PAIP2B: variants seen among roughly 807,000 people sequenced by gnomAD.
The protein encoded by PAIP2B is polyadenylate-binding protein-interacting protein 2B.
In PAIP2B, 13 loss-of-function variants were observed where a neutral mutation model predicts 17.0. The observed-to-expected ratio is 0.76, with a 90% CI of 0.50 to 1.22. The LOEUF is 1.22. Ranked by LOEUF, PAIP2B falls within the 50% of genes most tolerant of loss-of-function variation. The pLI, the probability that PAIP2B is intolerant of heterozygous loss-of-function variation, is 0.00. For missense variants in PAIP2B, 117 were observed against 144.5 expected, an observed-to-expected ratio of 0.81 and a Z score of 0.98; for synonymous variants, 43 against 48.7, an observed-to-expected ratio of 0.88 and a Z score of 0.48.
At position 71,186,087 on chromosome 2, in the gene PAIP2B, G is replaced by A. The variant is rs1374047867; in HGVS notation, c.*2392C>T. On this transcript the variant is annotated 3_prime_UTR_variant, in exon 4 of 4. Coordinates refer to ENST00000244221, the MANE Select transcript of PAIP2B (RefSeq NM_020459.1). Reference sequence around the variant, plus strand: ...ACAAGTCTTACCATTAAAGGGTAAAGGTGTCCAGTCTGGCTTGCTGGTTCT... The same window carrying A: ...ACAAGTCTTACCATTAAAGGGTAAAAGTGTCCAGTCTGGCTTGCTGGTTCT... The A allele has an allele frequency of 1.3e-5, 2 of 152,202 alleles. No homozygotes were observed. The highest frequency in any genetic ancestry group is 4.8e-5 in the African/African-American group (2 of 41,448). 9.4% of individuals were successfully genotyped at this position (152,202 alleles called of 1,614,324 possible). A position where few individuals can be genotyped will look rare whatever the true frequency, so the allele number is the denominator to read the frequency against.
At chr2:71,205,877 T>G (rs1217176086) in intron 1 of PAIP2B, among the ~76,000 whole-genome samples, 1 of 152,160 alleles carries the variant, frequency 6.6e-6, no homozygotes, top group African/African-American at 2.4e-5. Flanking sequence ...GTGAGTTACA[T>G]TACAGAGAGG....
At chr2:71,211,025 T>A (rs553089467) in intron 1 of PAIP2B, among the ~76,000 whole-genome samples, 1 of 152,256 alleles carries the variant, frequency 6.6e-6, no homozygotes, top group South Asian at 2.1e-4. Context: ...GGTGGGTGAA[T>A]CACCTGAGGT....
In PAIP2B at chr2:71,214,270, T is replaced by G. The variant is rs561275716; in HGVS notation, c.-11-11670A>C. Among the ~76,000 whole-genome samples, 4 of 152,306 alleles carry G rather than the reference T, an allele frequency of 2.6e-5. No homozygotes were observed. In the South Asian group the frequency reaches 8.3e-4, roughly 32 times the overall value. On this transcript the variant is annotated intron_variant, in intron 1 of 3. Coordinates refer to ENST00000244221, the MANE Select transcript of PAIP2B (RefSeq NM_020459.1). ...CTACCCCATACTCACACTTCCCACT[T>G]TAGGTCCAGAAAGGCTATAATAGAA...
Position 71,183,622 on chromosome 2 carries a change from C to T in PAIP2B, c.*4857G>A, listed in dbSNP as rs952378850. On this transcript the variant is annotated 3_prime_UTR_variant, in exon 4 of 4. Transcript: ENST00000244221. ...CAATAAAAGGAACAAACTACCAAGACGTTATCTGTCATGGACAAACCTCAA... is the reference window on the plus strand; with the variant it reads ...CAATAAAAGGAACAAACTACCAAGATGTTATCTGTCATGGACAAACCTCAA... 2.6e-5 allele frequency: 4 copies of T among 151,524 alleles called. No individual in the cohort carries two copies. The highest frequency in any genetic ancestry group is 4.9e-5 in the African/African-American group (2 of 41,182). 9.4% of individuals were successfully genotyped at this position (151,524 alleles called of 1,614,324 possible).
rs568552077 is a variant in PAIP2B, at chr2:71,219,082, ATTT to A, written c.-12+7843_-12+7845del. On this transcript the variant is annotated intron_variant, in intron 1 of 3. Transcript: ENST00000244221. ...AGGTGCCCGCCACCACGCCTAGCTA[ATTT>A]TTTTTTTTTTTTTTTTTTGTATTTT... 6.5e-4 allele frequency among the ~76,000 whole-genome samples: 74 copies of A among 113,964 alleles called. 1 individual carries two copies. Among genetic ancestry groups the A allele is most frequent in the South Asian group, 5.5e-3 (19 of 3,460 alleles). 74.8% of individuals were successfully genotyped at this position (113,964 alleles called of 152,430 possible). A position where few individuals can be genotyped will look rare whatever the true frequency, so the allele number is the denominator to read the frequency against.
intron 2 of PAIP2B, among the ~76,000 whole-genome samples, chr2:71,192,559 C>T (rs1214102914): frequency 1.3e-5 from 2 of 152,002 alleles, no homozygotes; most frequent in African/African-American, 4.8e-5. Flanking sequence ...GCTCAGTACC[C>T]AATAGTTACC....
At chr2:71,190,316 T>C (rs1323766129) in intron 2 of PAIP2B, among the ~76,000 whole-genome samples, 2 of 152,070 alleles carry the variant, frequency 1.3e-5, no homozygotes, top group African/African-American at 4.8e-5. Flanking sequence ...CTCAGCTACT[T>C]GGGAGACTGA....
chr2:71,195,783 A>C (rs1674802946), intron 2 of PAIP2B, among the ~76,000 whole-genome samples: 1 of 152,100 alleles, frequency 6.6e-6, no homozygotes, highest in African/African-American at 2.4e-5. Context: ...GATTACAGGC[A>C]CATGCCACCA....
intron 1 of PAIP2B, among the ~76,000 whole-genome samples, chr2:71,213,076 C>A (rs1450364342): frequency 6.6e-6 from 1 of 152,062 alleles, no homozygotes; most frequent in African/African-American, 2.4e-5. Flanking sequence ...AAAAACACTT[C>A]TAATCTAGAA....
intron 1 of PAIP2B, among the ~76,000 whole-genome samples, chr2:71,216,941 T>C (rs1278075877): frequency 6.6e-6 from 1 of 152,130 alleles, no homozygotes; most frequent in African/African-American, 2.4e-5. Flanking sequence ...GTCTAAAAAG[T>C]ATATTTACAG....
intron 1 of PAIP2B, among the ~76,000 whole-genome samples, chr2:71,211,602 G>GAAA (rs11376681): frequency 2.2e-5 from 3 of 133,582 alleles, no homozygotes; most frequent in Non-Finnish European, 1.6e-5. Flanking sequence ...AATGCTCTTT[G>GAAA]AAAAAAAAAA....
chr2:71,197,947 T>C (rs970338678), intron 2 of PAIP2B, among the ~76,000 whole-genome samples: 1 of 152,190 alleles, frequency 6.6e-6, no homozygotes, highest in Non-Finnish European at 1.5e-5. Flanking sequence ...ATTTGGGTGG[T>C]GACACAGAGC....
intron 2 of PAIP2B, among the ~76,000 whole-genome samples, chr2:71,196,835 C>A (rs1460970424): frequency 6.6e-6 from 1 of 152,020 alleles, no homozygotes; most frequent in African/African-American, 2.4e-5. Context: ...AGGATTGCAA[C>A]CCCTGCTTTT....
chr2:71,184,976 C>T lies in PAIP2B; in HGVS notation c.*3503G>A, dbSNP rs1674498007. On this transcript the variant is annotated 3_prime_UTR_variant, in exon 4 of 4. Transcript: ENST00000244221. ...GACCCTTATTGACGAAGGCCTGCCCCCTCCTCACAGTTGGGTAGATTCCTG... is the reference window on the plus strand; with the variant it reads ...GACCCTTATTGACGAAGGCCTGCCCTCTCCTCACAGTTGGGTAGATTCCTG... The T allele has an allele frequency of 6.6e-6, 1 of 152,108 alleles. No homozygotes were observed. The highest frequency in any genetic ancestry group is 3.2e-3 in the Middle Eastern group (1 of 316). The allele number at this position is 152,108 out of a possible 1,614,324, so 9.4% of individuals were successfully genotyped here.
chr2:71,193,744 C>A (rs1674745553), intron 2 of PAIP2B, among the ~76,000 whole-genome samples: 2 of 151,998 alleles, frequency 1.3e-5, no homozygotes, highest in African/African-American at 4.8e-5. Context: ...GTCCCAGCTA[C>A]TCTGGAGGCT....
chr2:71,226,684 A>G lies in PAIP2B; in HGVS notation c.-12+244T>C, dbSNP rs1406035419. ...GAAACAGAGCACCTGTGCGGGGGGG[A>G]AAGGGACGAAAACCCCCTATTGCTC... On this transcript the variant is annotated intron_variant, in intron 1 of 3. Coordinates refer to ENST00000244221, the MANE Select transcript of PAIP2B (RefSeq NM_020459.1). Among the ~76,000 whole-genome samples, 9 of 151,858 alleles carry G rather than the reference A, an allele frequency of 5.9e-5. No individual in the cohort carries two copies. The East Asian group carries it at 1.6e-3, about 26-fold the overall frequency.
chr2:71,202,246 A>G (rs1222264039), intron 2 of PAIP2B, among the ~76,000 whole-genome samples: 1 of 152,218 alleles, frequency 6.6e-6, no homozygotes, highest in East Asian at 1.9e-4. Context: ...AAATATAAAT[A>G]TCTTCCTCCA....
Position 71,227,085 on chromosome 2 carries a change from T to G in PAIP2B, c.-169A>C, listed in dbSNP as rs773747854. On this transcript the variant is annotated 5_prime_UTR_variant, in exon 1 of 4. Transcript: ENST00000244221. ...AGAAGCGCCACTACCACTTGCCAGGTTATCTCTTACTGCACACTGCCTCCT... is the reference window on the plus strand; with the variant it reads ...AGAAGCGCCACTACCACTTGCCAGGGTATCTCTTACTGCACACTGCCTCCT... The G allele has an allele frequency of 6.5e-6, 1 of 152,954 alleles. No homozygotes were observed. Among genetic ancestry groups the G allele is most frequent in the African/African-American group, 2.4e-5 (1 of 41,384 alleles). 9.5% of individuals were successfully genotyped at this position (152,954 alleles called of 1,614,324 possible). A position where few individuals can be genotyped will look rare whatever the true frequency, so the allele number is the denominator to read the frequency against.
chr2:71,188,415 C>G lies in PAIP2B; in HGVS notation c.*64G>C. 1 of 1,439,980 alleles carries G rather than the reference C, an allele frequency of 6.9e-7. No individual in the cohort carries two copies. The highest frequency in any genetic ancestry group is 9.6e-7 in the Non-Finnish European group (1 of 1,040,100). The allele number at this position is 1,439,980 out of a possible 1,614,324, so 89.2% of individuals were successfully genotyped here. On this transcript the variant is annotated 3_prime_UTR_variant, in exon 4 of 4. Coordinates refer to ENST00000244221, the MANE Select transcript of PAIP2B (RefSeq NM_020459.1). ...CGCCCCATCCCCCTCTTCAGCTCCACCATTTTGTGCATTACTATCCCCAGA... is the reference window on the plus strand; with the variant it reads ...CGCCCCATCCCCCTCTTCAGCTCCAGCATTTTGTGCATTACTATCCCCAGA...
Sources: gnomAD v4.1 joint callset for allele counts (sites outside exome capture counted in the v4.1 genomes callset) on GRCh38, gnomAD v4.1.1 for gene constraint, MANE v1.5 for transcripts, NCBI Gene and HGNC (gene_info 2026-07-23, HGNC 2026-07-21) for gene names.